PABPC4L: variants seen among roughly 807,000 people sequenced by gnomAD.
PABPC4L encodes the protein polyadenylate-binding protein 4-like.
For missense variants in PABPC4L, 452 were observed against 451.4 expected, an observed-to-expected ratio of 1.00 and a Z score of -0.01; for synonymous variants, 169 against 164.1, an observed-to-expected ratio of 1.03 and a Z score of -0.23.
the PABPC4L span, among the ~76,000 whole-genome samples, chr4:134,154,230 C>T: frequency 3.3e-5 from 5 of 152,088 alleles, no homozygotes. Context: ...CATATTTAGG[C>T]AGACTGCCTG....
chr4:134,068,143 T>A, the PABPC4L span, among the ~76,000 whole-genome samples: 1 of 152,190 alleles, frequency 6.6e-6, no homozygotes, highest in African/African-American at 2.4e-5. Flanking sequence ...ACTATTATTG[T>A]GTGGGAATCT....
the PABPC4L span, among the ~76,000 whole-genome samples, chr4:134,079,601 A>C: frequency 7.5e-5 from 8 of 106,282 alleles, no homozygotes; most frequent in South Asian, 2.8e-4. Flanking sequence ...AAAAAAAAAA[A>C]AAAAAAAAAA....
the PABPC4L span, among the ~76,000 whole-genome samples, chr4:134,120,233 C>G: frequency 6.8e-6 from 1 of 145,990 alleles, no homozygotes; most frequent in Non-Finnish European, 1.5e-5. Flanking sequence ...CCCTAACCAG[C>G]ACTTGGTATT....
chr4:133,971,074 G>A, the PABPC4L span, among the ~76,000 whole-genome samples: 1 of 145,068 alleles, frequency 6.9e-6, no homozygotes, highest in South Asian at 2.2e-4. Context: ...TCTAGGTCCT[G>A]TAGAATTCAC....
chr4:134,149,669 T>C, the PABPC4L span, among the ~76,000 whole-genome samples: 1 of 152,160 alleles, frequency 6.6e-6, no homozygotes, highest in African/African-American at 2.4e-5. Context: ...AATGGAAATG[T>C]TTCCGTAGCA....
chr4:133,993,494 G>C, the PABPC4L span, among the ~76,000 whole-genome samples: 1 of 152,172 alleles, frequency 6.6e-6, no homozygotes, highest in Non-Finnish European at 1.5e-5. Flanking sequence ...AATTAAGTGA[G>C]AATTGGTATC....
the PABPC4L span, among the ~76,000 whole-genome samples, chr4:133,996,398 C>T: frequency 6.6e-6 from 1 of 152,260 alleles, no homozygotes; most frequent in East Asian, 1.9e-4. Flanking sequence ...CAATAGTCTG[C>T]ATTAAGCCCC....
chr4:133,989,054 C>T, the PABPC4L span, among the ~76,000 whole-genome samples: 2 of 152,066 alleles, frequency 1.3e-5, no homozygotes, highest in Admixed American at 6.5e-5. Context: ...CACATGGCAC[C>T]ATGTCCTGAA....
chr4:134,164,905 G>A, the PABPC4L span, among the ~76,000 whole-genome samples: 1 of 152,072 alleles, frequency 6.6e-6, no homozygotes, highest in Non-Finnish European at 1.5e-5. Flanking sequence ...AAAATAGCAT[G>A]GCATTGGTTA....
the PABPC4L span, among the ~76,000 whole-genome samples, chr4:134,028,707 T>TA: frequency 2.0e-5 from 3 of 152,098 alleles, no homozygotes; most frequent in Admixed American, 2.0e-4. Context: ...ATGAGCAAGA[T>TA]AAAAAATTAG....
the PABPC4L span, among the ~76,000 whole-genome samples, chr4:134,090,554 AAGGAGTTGG>A: frequency 6.6e-6 from 1 of 152,000 alleles, no homozygotes; most frequent in Non-Finnish European, 1.5e-5. Flanking sequence ...GACTTGAGGC[AAGGAGTTGG>A]AGACCAGCCG....
chr4:134,177,391 G>T, the PABPC4L span, among the ~76,000 whole-genome samples: 27 of 152,080 alleles, frequency 1.8e-4, no homozygotes, highest in African/African-American at 6.0e-4. Flanking sequence ...GGCCAGGATA[G>T]TCTTGATCTC....
the PABPC4L span, among the ~76,000 whole-genome samples, chr4:133,949,347 G>T: frequency 5.9e-5 from 9 of 152,100 alleles, no homozygotes; most frequent in Non-Finnish European, 1.3e-4. Context: ...GGTCTCAGGG[G>T]TGGAGGCCCT....
chr4:134,107,565 G>A, the PABPC4L span, among the ~76,000 whole-genome samples: 5 of 151,554 alleles, frequency 3.3e-5, 1 homozygote, highest in South Asian at 8.3e-4. Flanking sequence ...TAAATTCAGC[G>A]AGCATCTTCT....
chr4:133,989,445 G>A, the PABPC4L span, among the ~76,000 whole-genome samples: 1 of 152,160 alleles, frequency 6.6e-6, no homozygotes, highest in Non-Finnish European at 1.5e-5. Flanking sequence ...TGCATAACAA[G>A]AGTGACTTTC....
chr4:134,085,672 G>T, the PABPC4L span, among the ~76,000 whole-genome samples: 1 of 152,082 alleles, frequency 6.6e-6, no homozygotes, highest in Non-Finnish European at 1.5e-5. Flanking sequence ...AAACCATGTG[G>T]CATGCTTTGT....
the PABPC4L span, among the ~76,000 whole-genome samples, chr4:134,176,842 G>A: frequency 1.3e-5 from 2 of 152,056 alleles, no homozygotes; most frequent in Non-Finnish European, 2.9e-5. Flanking sequence ...GAATCCCCCT[G>A]GCGCCCCCAT....
chr4:134,112,153 C>T, the PABPC4L span, among the ~76,000 whole-genome samples: 74,641 of 151,714 alleles, frequency 0.49, 22,146 homozygotes, highest in East Asian at 0.98. Context: ...AACAACAGGT[C>T]ACATTATTTA....
the PABPC4L span, among the ~76,000 whole-genome samples, chr4:133,966,377 C>T: frequency 5.3e-5 from 8 of 152,242 alleles, no homozygotes; most frequent in South Asian, 1.2e-3. Flanking sequence ...CTAGTAAAAC[C>T]GTTATGCAAA....
Sources: gnomAD v4.1 joint callset for allele counts (sites outside exome capture counted in the v4.1 genomes callset) on GRCh38, gnomAD v4.1.1 for gene constraint, MANE v1.5 for transcripts, NCBI Gene and HGNC (gene_info 2026-07-23, HGNC 2026-07-21) for gene names.